The following INO80 variants were observed in gnomAD, a reference collection of about 807,000 sequenced individuals.
The protein encoded by INO80 is chromatin-remodeling ATPase INO80.
Under a neutral mutation model 203.4 loss-of-function variants are expected in INO80, and 20 were observed. That is an observed-to-expected ratio of 0.10 (90% CI 0.07 to 0.14). The LOEUF (loss-of-function observed/expected upper bound fraction) is 0.14, where lower values mean the gene tolerates loss of function less well. INO80 is among the 10% of genes least tolerant of loss of function. INO80 has a pLI of 1.00. For synonymous variants in INO80, 726 were observed against 685.2 expected (o/e 1.06, Z -0.93); for missense variants, 1,419 against 1,914.4 (o/e 0.74, Z 4.83).
At chr15:41,023,808 A>C (rs77880147) in intron 25 of INO80, among the ~76,000 whole-genome samples, 1 of 136,942 alleles carries the variant, frequency 7.3e-6, no homozygotes, top group Non-Finnish European at 1.5e-5. Context: ...AAAAAGAAAC[A>C]AAAAAAAACA....
chr15:40,995,341 G>A (rs953407214), intron 29 of INO80, among the ~76,000 whole-genome samples: 2 of 152,182 alleles, frequency 1.3e-5, no homozygotes, highest in South Asian at 4.1e-4. Flanking sequence ...CTCATGGGAG[G>A]ATGACTTAGG....
chr15:41,052,855 TAC>T (rs2044904993), intron 19 of INO80, among the ~76,000 whole-genome samples: 1 of 40,896 alleles, frequency 2.4e-5, no homozygotes. Flanking sequence ...AACTGGTCGC[TAC>T]AAAAAAAAAA....
chr15:41,006,159 G>A (rs1295730810), intron 27 of INO80, among the ~76,000 whole-genome samples: 1 of 152,104 alleles, frequency 6.6e-6, no homozygotes, highest in East Asian at 1.9e-4. Context: ...AACAGAGCAT[G>A]CATCACTGTT....
At chr15:41,055,398 A>G in intron 17 of INO80, 34 bp from the exon 18 acceptor site, 1 of 1,419,482 alleles carries the variant, frequency 7.0e-7, no homozygotes, top group Non-Finnish European at 9.9e-7. Context: ...ATAGCTATAG[A>G]GCAATAAAAT....
chr15:41,044,775 G>A, intron 24 of INO80, 129 bp downstream of exon 24: 1 of 693,112 alleles, frequency 1.4e-6, no homozygotes, highest in Non-Finnish European at 2.4e-6. Flanking sequence ...TCAATATGCT[G>A]CACCGCCCAC....
chr15:41,031,418 G>A (rs984275761), intron 24 of INO80, among the ~76,000 whole-genome samples: 6 of 144,018 alleles, frequency 4.2e-5, no homozygotes, highest in African/African-American at 1.3e-4. Context: ...GAAAGAGAAG[G>A]GAAGAGGGAG....
At chr15:41,008,350 G>A (rs559670862) in intron 27 of INO80, among the ~76,000 whole-genome samples, 32 of 152,158 alleles carry the variant, frequency 2.1e-4, no homozygotes, top group Middle Eastern at 3.4e-3. Context: ...AATACTGCAT[G>A]GTTCAACTTA....
At chr15:41,028,185 G>T (rs1004142322) in intron 24 of INO80, among the ~76,000 whole-genome samples, 2 of 151,606 alleles carry the variant, frequency 1.3e-5, no homozygotes, top group Non-Finnish European at 2.9e-5. Context: ...ACCTAGGCTA[G>T]AGTACAGTGG....
Position 40,989,109 on chromosome 15 carries a change from GC to G in INO80, c.3571-1136del, listed in dbSNP as rs576175029. On this transcript the variant is annotated intron_variant, in intron 29 of 35. Coordinates refer to ENST00000648947, the MANE Select transcript of INO80 (RefSeq NM_017553.3). ...CAGGAGAATTGCTTGAACCCAGGAG[GC>G]GGGGAGTACAGTGAGCTGAGATCAT... Among the ~76,000 whole-genome samples, 100 of 152,232 alleles carry G rather than the reference GC, an allele frequency of 6.6e-4. No individual in the cohort carries two copies. The South Asian group carries it at 0.013, about 19-fold the overall frequency.
chr15:41,009,376 T>TC (rs1269609072), intron 27 of INO80, among the ~76,000 whole-genome samples: 3 of 80,152 alleles, frequency 3.7e-5, no homozygotes, highest in Admixed American at 1.6e-4. Context: ...ATGCTATCCC[T>TC]CCCCCCTCCC....
At chr15:41,002,780 C>G (rs967065327) in intron 28 of INO80, among the ~76,000 whole-genome samples, 1 of 151,888 alleles carries the variant, frequency 6.6e-6, no homozygotes, top group Admixed American at 6.6e-5. Flanking sequence ...GTATATATAC[C>G]CAGTGTTAAC....
At chr15:41,113,302 G>A (rs2045983133) in intron 1 of INO80, among the ~76,000 whole-genome samples, 1 of 149,360 alleles carries the variant, frequency 6.7e-6, no homozygotes, top group Admixed American at 6.7e-5. Flanking sequence ...TTTTGCTCTT[G>A]TTGCACTCCA....
intron 1 of INO80, among the ~76,000 whole-genome samples, chr15:41,109,655 G>C (rs1436861715): frequency 6.6e-6 from 1 of 151,934 alleles, no homozygotes; most frequent in Non-Finnish European, 1.5e-5. Context: ...AATTATGCCA[G>C]GTGCGGTGGC....
At chr15:41,013,647 T>C (rs1216362213) in intron 27 of INO80, among the ~76,000 whole-genome samples, 2 of 152,210 alleles carry the variant, frequency 1.3e-5, no homozygotes, top group Non-Finnish European at 2.9e-5. Context: ...ATGTGGTTCA[T>C]TTGAGTGGGT....
chr15:41,036,500 T>G (rs770156384), intron 24 of INO80, among the ~76,000 whole-genome samples: 2 of 151,902 alleles, frequency 1.3e-5, no homozygotes, highest in African/African-American at 2.4e-5. Flanking sequence ...CTGCCCACTT[T>G]CCCTAAACCC....
intron 1 of INO80, among the ~76,000 whole-genome samples, chr15:41,106,698 C>T (rs1945292509): frequency 6.6e-6 from 1 of 152,138 alleles, no homozygotes; most frequent in Non-Finnish European, 1.5e-5. Flanking sequence ...CAACTCTCAG[C>T]TGACAATGAA....
intron 30 of INO80, 93 bp downstream of exon 30, chr15:40,987,723 G>T: frequency 1.7e-6 from 2 of 1,204,974 alleles, no homozygotes; most frequent in Non-Finnish European, 1.2e-6. Flanking sequence ...CCAATGAAAG[G>T]CAAGAGAGTT....
chr15:41,072,603 C>T (rs2045340205), intron 11 of INO80, among the ~76,000 whole-genome samples: 1 of 134,844 alleles, frequency 7.4e-6, no homozygotes, highest in Admixed American at 7.9e-5. Flanking sequence ...CCTGTAGTCC[C>T]AGCTACTCAG....
In INO80 at chr15:41,087,691, G is replaced by C; in HGVS notation, c.538-9C>G. 1 of 1,607,022 alleles carries C rather than the reference G, an allele frequency of 6.2e-7. No individual in the cohort carries two copies. On this transcript the variant is annotated splice_polypyrimidine_tract_variant and intron_variant, in intron 5 of 35. Coordinates refer to ENST00000648947, the MANE Select transcript of INO80 (RefSeq NM_017553.3). ...TACTGATATTGCTGCAACTGAAGCA[G>C]GCAAAGACCATGATGGGCCTGTTTT... is the stretch of plus-strand genomic sequence containing the variant.
Sources: gnomAD v4.1 joint callset for allele counts (sites outside exome capture counted in the v4.1 genomes callset) on GRCh38, gnomAD v4.1.1 for gene constraint, MANE v1.5 for transcripts, NCBI Gene and HGNC (gene_info 2026-07-23, HGNC 2026-07-21) for gene names.